The following LOXL1 variants were observed in gnomAD, a reference collection of about 807,000 sequenced individuals.
LOXL1 encodes lysyl oxidase homolog 1.
Under a neutral mutation model 62.2 loss-of-function variants are expected in LOXL1, and 31 were observed. The observed-to-expected ratio is 0.50, with a 90% CI of 0.37 to 0.67. The LOEUF (loss-of-function observed/expected upper bound fraction) is 0.67, where lower values mean the gene tolerates loss of function less well. LOXL1 is among the 30% of genes least tolerant of loss of function. The pLI is 0.00. For missense variants in LOXL1, 775 were observed against 843.4 expected (o/e 0.92, Z 1.00); for synonymous variants, 403 against 384.4 (o/e 1.05, Z -0.56).
intron 1 of LOXL1, among the ~76,000 whole-genome samples, chr15:73,941,310 AC>A (rs919796617): frequency 2.6e-5 from 4 of 152,058 alleles, no homozygotes; most frequent in African/African-American, 9.7e-5. Context: ...AGGTGAGATC[AC>A]CCTGGCTGCC....
chr15:73,944,901 T>C (rs886341056), intron 2 of LOXL1, among the ~76,000 whole-genome samples: 1 of 152,162 alleles, frequency 6.6e-6, no homozygotes, highest in African/African-American at 2.4e-5. Context: ...TGTCCAGACA[T>C]TCTCTCAAAG....
chr15:73,938,983 A>G (rs937561707), intron 1 of LOXL1, among the ~76,000 whole-genome samples: 5 of 152,134 alleles, frequency 3.3e-5, no homozygotes, highest in African/African-American at 9.7e-5. Context: ...GTGAGGGCTG[A>G]TCACACAGTC....
intron 1 of LOXL1, among the ~76,000 whole-genome samples, chr15:73,942,213 G>A (rs1431106361): frequency 1.3e-5 from 2 of 152,056 alleles, no homozygotes; most frequent in Non-Finnish European, 2.9e-5. Context: ...GGGTGCCCAG[G>A]CTGAGAATCC....
chr15:73,936,184 A>T (rs1289748679), intron 1 of LOXL1, among the ~76,000 whole-genome samples: 1 of 152,102 alleles, frequency 6.6e-6, no homozygotes, highest in African/African-American at 2.4e-5. Context: ...GGAGCCATTG[A>T]AGACCCTGGG....
Position 73,926,870 on chromosome 15 carries a change from G to T in LOXL1, c.87G>T (p.Gln29His). The T allele has an allele frequency of 6.4e-7, 1 of 1,553,726 alleles. No homozygotes were observed. Among genetic ancestry groups the T allele is most frequent in the Middle Eastern group, 1.7e-4 (1 of 5,880 alleles). Reference protein sequence around the residue: ...LCVLVHGQQAQPGQGSDPARW... With the variant: ...LCVLVHGQQAHPGQGSDPARW... The stretch of plus-strand genomic sequence containing the variant: ...TGCTGGTGCACGGGCAGCAGGCGCA[G>T]CCCGGGCAGGGCTCGGACCCCGCCC... The change falls in exon 1 of 7, where the codon CAG becomes CAT. Residue 29 changes from glutamine (Q) to histidine (H), a missense_variant. By Grantham distance (24) the Gln-to-His change is conservative. Coordinates refer to ENST00000261921, the MANE Select transcript of LOXL1 (RefSeq NM_005576.4).
Position 73,942,967 on chromosome 15 carries a change from G to A in LOXL1, c.1211+5G>A. ...GGAGGAGAAGTGTCTGGCCAGGTAA[G>A]GAGCTGAGGCAGAAGTGTAGAGTGT... On this transcript the variant is annotated splice_donor_5th_base_variant and intron_variant, in intron 2 of 6. Coordinates refer to ENST00000261921, the MANE Select transcript of LOXL1 (RefSeq NM_005576.4). 6.2e-7 allele frequency: 1 copy of A among 1,608,288 alleles called. No individual in the cohort carries two copies.
At position 73,937,903 on chromosome 15, in the gene LOXL1, C is replaced by A. The variant is rs139664413; in HGVS notation, c.1103-4951C>A. 1.9e-4 allele frequency among the ~76,000 whole-genome samples: 29 copies of A among 152,296 alleles called. No homozygotes were observed. The East Asian group carries it at 5.0e-3, about 26-fold the overall frequency. On this transcript the variant is annotated intron_variant, in intron 1 of 6. Coordinates refer to ENST00000261921, the MANE Select transcript of LOXL1 (RefSeq NM_005576.4). ...TGTAGGTGACCCAGGGAGCTGGCTGCGTACCTTCATCAGGCCCAGGAGGGG... is the reference window on the plus strand; with the variant it reads ...TGTAGGTGACCCAGGGAGCTGGCTGAGTACCTTCATCAGGCCCAGGAGGGG...
Position 73,927,540 on chromosome 15 carries a change from C to A in LOXL1, c.757C>A (p.Pro253Thr). 6.7e-7 allele frequency: 1 copy of A among 1,497,802 alleles called. No individual in the cohort carries two copies. The highest frequency in any genetic ancestry group is 1.8e-4 in the Middle Eastern group (1 of 5,482). The allele number at this position is 1,497,802 out of a possible 1,614,324, so 92.8% of individuals were successfully genotyped here. A position where few individuals can be genotyped will look rare whatever the true frequency, so the allele number is the denominator to read the frequency against. Reference sequence around the variant, plus strand: ...CGAGTACCCGCCTCAGGGCTTCTACCCGGCCCCCGAGAGGCCCTACGTGCC... The same window carrying A: ...CGAGTACCCGCCTCAGGGCTTCTACACGGCCCCCGAGAGGCCCTACGTGCC... The part of the protein sequence containing the change: ...LPEYPPQGFY[P>T]APERPYVPPP... The change falls in exon 1 of 7, where the codon CCG (proline) becomes ACG (threonine). Residue 253 changes from proline to threonine, a missense_variant. Pro to Thr is a conservative substitution (Grantham distance 38). Coordinates refer to ENST00000261921, the MANE Select transcript of LOXL1 (RefSeq NM_005576.4).
At chr15:73,951,367 A>G (rs1477208482) in intron 6 of LOXL1, among the ~76,000 whole-genome samples, 1 of 152,128 alleles carries the variant, frequency 6.6e-6, no homozygotes, top group Non-Finnish European at 1.5e-5. Context: ...GGGCCTTATT[A>G]GAGTGTCTCA....
At chr15:73,951,583 GA>G (rs2068787486) in intron 6 of LOXL1, among the ~76,000 whole-genome samples, 1 of 152,170 alleles carries the variant, frequency 6.6e-6, no homozygotes, top group Non-Finnish European at 1.5e-5. Flanking sequence ...TAATGGCCTA[GA>G]AAACAATCTG....
intron 2 of LOXL1, among the ~76,000 whole-genome samples, chr15:73,944,107 G>C (rs948637495): frequency 4.6e-5 from 7 of 152,220 alleles, no homozygotes; most frequent in Non-Finnish European, 1.0e-4. Flanking sequence ...ACTGCCCCTG[G>C]TCCAGGGACC....
intron 1 of LOXL1, among the ~76,000 whole-genome samples, chr15:73,941,105 G>C (rs1021690140): frequency 6.6e-6 from 1 of 152,160 alleles, no homozygotes; most frequent in African/African-American, 2.4e-5. Flanking sequence ...CCCTCCCCCA[G>C]AGGCTTCCAG....
At chr15:73,934,290 G>T (rs2068655281) in intron 1 of LOXL1, among the ~76,000 whole-genome samples, 1 of 152,232 alleles carries the variant, frequency 6.6e-6, no homozygotes, top group South Asian at 2.1e-4. Flanking sequence ...TATGGGCATT[G>T]GCTCACGCAC....
chr15:73,938,022 C>A (rs1329940371), intron 1 of LOXL1, among the ~76,000 whole-genome samples: 1 of 152,212 alleles, frequency 6.6e-6, no homozygotes, highest in Non-Finnish European at 1.5e-5. Context: ...TGCGGTCACT[C>A]ACCCCTGTAA....
chr15:73,943,326 G>A (rs1312886971), intron 2 of LOXL1, among the ~76,000 whole-genome samples: 1 of 152,228 alleles, frequency 6.6e-6, no homozygotes, highest in African/African-American at 2.4e-5. Context: ...TTAATGAGAA[G>A]GTTCCTTTTG....
chr15:73,947,228 G>A lies in LOXL1; in HGVS notation c.1506+5G>A, dbSNP rs781308144. 5.0e-6 allele frequency: 8 copies of A among 1,592,064 alleles called. No individual in the cohort carries two copies. The highest frequency in any genetic ancestry group is 5.2e-6 in the Non-Finnish European group (6 of 1,163,120). ...GCATGCACCTCTCATACCCAGGTTG[G>A]GCTGGAGAGATGGGGTTTGGGGCAT... On this transcript the variant is annotated splice_donor_5th_base_variant and intron_variant, in intron 4 of 6. Coordinates refer to ENST00000261921, the MANE Select transcript of LOXL1 (RefSeq NM_005576.4).
At chr15:73,937,543 G>C (rs1595845816) in intron 1 of LOXL1, among the ~76,000 whole-genome samples, 1 of 152,244 alleles carries the variant, frequency 6.6e-6, no homozygotes, top group South Asian at 2.1e-4. Flanking sequence ...TCCTGGCCCA[G>C]GCTCTGTGCA....
Position 73,926,743 on chromosome 15 carries a change from G to T in LOXL1, c.-41G>T. The T allele has an allele frequency of 7.4e-7, 1 of 1,354,018 alleles. No individual in the cohort carries two copies. Among genetic ancestry groups the T allele is most frequent in the South Asian group, 1.8e-5 (1 of 55,886 alleles). 83.9% of individuals were successfully genotyped at this position (1,354,018 alleles called of 1,614,324 possible). A position where few individuals can be genotyped will look rare whatever the true frequency, so the allele number is the denominator to read the frequency against. On this transcript the variant is annotated 5_prime_UTR_variant, in exon 1 of 7. Coordinates refer to ENST00000261921, the MANE Select transcript of LOXL1 (RefSeq NM_005576.4). ...GAAGCACGCCCAGGGGGCCACTCCT[G>T]AGAGCCTCTCTGTCCACCAGGCCTC...
chr15:73,928,865 C>T (rs1415447138), intron 1 of LOXL1, among the ~76,000 whole-genome samples: 13 of 132,478 alleles, frequency 9.8e-5, no homozygotes, highest in Admixed American at 6.0e-4. Flanking sequence ...TTTTGCACCC[C>T]GAGGAAAAAA....
Sources: gnomAD v4.1 joint callset for allele counts (sites outside exome capture counted in the v4.1 genomes callset) on GRCh38, gnomAD v4.1.1 for gene constraint, MANE v1.5 for transcripts, NCBI Gene and HGNC (gene_info 2026-07-23, HGNC 2026-07-21) for gene names.